IMPG1: variants seen among roughly 807,000 people sequenced by gnomAD.
IMPG1 encodes interphotoreceptor matrix proteoglycan 1.
In IMPG1, 85 loss-of-function variants were observed where a neutral mutation model predicts 92.0. The observed-to-expected ratio is 0.92, with a 90% CI of 0.78 to 1.11. IMPG1 has a LOEUF of 1.11. Among genes scored for constraint, IMPG1 ranks in the 50% least tolerant of loss-of-function variants. The pLI, the probability that IMPG1 is intolerant of heterozygous loss-of-function variation, is 0.00. For missense variants in IMPG1, 1,022 were observed against 956.0 expected, an observed-to-expected ratio of 1.07 and a Z score of -0.91; for synonymous variants, 367 against 334.1, an observed-to-expected ratio of 1.10 and a Z score of -1.08.
At chr6:75,940,066 A>G (rs1367520740) in intron 14 of IMPG1, among the ~76,000 whole-genome samples, 1 of 152,224 alleles carries the variant, frequency 6.6e-6, no homozygotes, top group Non-Finnish European at 1.5e-5. Context: ...ACTTTCTGCA[A>G]CATTGTCTCT....
chr6:75,999,191 A>G (rs1782946663), intron 12 of IMPG1, among the ~76,000 whole-genome samples: 2 of 152,136 alleles, frequency 1.3e-5, no homozygotes, highest in South Asian at 2.1e-4. Context: ...CTGGCTCTAC[A>G]AAAAAGAATG....
chr6:76,025,105 T>C (rs1783500473), intron 5 of IMPG1, 89 bp downstream of exon 5: 2 of 787,856 alleles, frequency 2.5e-6, no homozygotes, highest in Middle Eastern at 2.4e-4. Context: ...ATAAACATTA[T>C]CTTTAATTAG....
intron 12 of IMPG1, among the ~76,000 whole-genome samples, chr6:75,954,610 T>C (rs1484828105): frequency 2.0e-5 from 3 of 152,330 alleles, no homozygotes; most frequent in East Asian, 3.9e-4. Context: ...AGAAGCTCCT[T>C]AGTTTAATTA....
chr6:75,928,874 G>T (rs551283181), intron 15 of IMPG1, among the ~76,000 whole-genome samples: 3 of 152,210 alleles, frequency 2.0e-5, no homozygotes, highest in Non-Finnish European at 4.4e-5. Context: ...TTTATTACAT[G>T]TACGGGATCT....
At chr6:75,949,972 T>G (rs1361126962) in intron 13 of IMPG1, among the ~76,000 whole-genome samples, 2 of 152,220 alleles carry the variant, frequency 1.3e-5, no homozygotes, top group Non-Finnish European at 2.9e-5. Flanking sequence ...TATGTATTTC[T>G]TATTGTATAT....
intron 11 of IMPG1, among the ~76,000 whole-genome samples, 197 bp downstream of exon 11, chr6:76,003,677 A>C (rs1783040072): frequency 6.6e-6 from 1 of 152,248 alleles, no homozygotes; most frequent in Non-Finnish European, 1.5e-5. Flanking sequence ...GATATTTAAA[A>C]TGCAAGTTGT....
At chr6:76,049,153 G>A (rs1783993710) in intron 1 of IMPG1, among the ~76,000 whole-genome samples, 1 of 152,152 alleles carries the variant, frequency 6.6e-6, no homozygotes, top group African/African-American at 2.4e-5. Flanking sequence ...AGAACACATG[G>A]ATACACAGAG....
intron 13 of IMPG1, among the ~76,000 whole-genome samples, chr6:75,948,685 C>T (rs760358564): frequency 1.3e-5 from 2 of 152,208 alleles, no homozygotes; most frequent in African/African-American, 2.4e-5. Context: ...TCTTCACCTA[C>T]TGTGCAGATA....
chr6:76,018,774 G>C lies in IMPG1; in HGVS notation c.751C>G (p.Leu251Val). The C allele has an allele frequency of 6.2e-7, 1 of 1,613,292 alleles. No individual in the cohort carries two copies. Among genetic ancestry groups the C allele is most frequent in the Non-Finnish European group, 8.5e-7 (1 of 1,179,740 alleles). The change falls in exon 7 of 17, where the codon CTC becomes GTC. Residue 251 changes from leucine to valine, a missense_variant. Coordinates refer to ENST00000369950, the MANE Select transcript of IMPG1 (RefSeq NM_001563.4). Reference protein sequence around the residue: ...SLVNQKFKAELADSQSPYYQE... With the variant: ...SLVNQKFKAEVADSQSPYYQE... Reference sequence around the variant, plus strand: ...TAATATGGGGACTGGGAGTCAGCGAGCTCTGCCTTGAACTTCTGGTTTACC... The same window carrying C: ...TAATATGGGGACTGGGAGTCAGCGACCTCTGCCTTGAACTTCTGGTTTACC...
intron 1 of IMPG1, among the ~76,000 whole-genome samples, chr6:76,058,417 G>C (rs541874621): frequency 6.6e-6 from 1 of 152,258 alleles, no homozygotes; most frequent in South Asian, 2.1e-4. Context: ...CACTTATTGA[G>C]CATCTTTGTA....
chr6:75,956,039 A>G (rs1252694958), intron 12 of IMPG1, among the ~76,000 whole-genome samples: 1 of 152,166 alleles, frequency 6.6e-6, no homozygotes, highest in Non-Finnish European at 1.5e-5. Flanking sequence ...AATGTTCATC[A>G]GGGATATTGG....
chr6:76,067,487 G>A (rs1430885465), intron 1 of IMPG1, among the ~76,000 whole-genome samples: 1 of 151,970 alleles, frequency 6.6e-6, no homozygotes, highest in Non-Finnish European at 1.5e-5. Flanking sequence ...GTTGAACCAG[G>A]AAGAAATAGA....
intron 4 of IMPG1, among the ~76,000 whole-genome samples, chr6:76,026,080 G>A (rs1036284193): frequency 6.6e-6 from 1 of 152,150 alleles, no homozygotes; most frequent in Admixed American, 6.5e-5. Context: ...TGGGATTCAA[G>A]CTGCATGCGG....
intron 12 of IMPG1, among the ~76,000 whole-genome samples, chr6:75,976,655 T>C (rs1582080268): frequency 1.3e-5 from 2 of 152,308 alleles, no homozygotes; most frequent in East Asian, 3.9e-4. Context: ...CTCATGCCTG[T>C]AATCCCAGCA....
chr6:75,956,047 T>G (rs1029251944), intron 12 of IMPG1, among the ~76,000 whole-genome samples: 2 of 152,212 alleles, frequency 1.3e-5, no homozygotes, highest in African/African-American at 4.8e-5. Flanking sequence ...TCAGGGATAT[T>G]GGCCTGAAAT....
intron 1 of IMPG1, among the ~76,000 whole-genome samples, chr6:76,055,201 G>T (rs1232433328): frequency 6.6e-6 from 1 of 152,034 alleles, no homozygotes; most frequent in Admixed American, 6.6e-5. Context: ...GAAAAGGACT[G>T]ATAACATATG....
rs1781660316 is a variant in IMPG1 at position 75,931,058 on chromosome 6, T to C, written c.2138A>G (p.Lys713Arg). 1.2e-6 allele frequency: 2 copies of C among 1,614,050 alleles called. No homozygotes were observed. The highest frequency in any genetic ancestry group is 2.2e-5 in the East Asian group (1 of 44,876). The change falls in exon 15 of 17, where the codon AAA (lysine) becomes AGA (arginine). Residue 713 changes from lysine to arginine, a missense_variant. Physicochemically the swap from Lys to Arg is conservative, Grantham distance 26. Around this residue, in one of 3 missense-constraint regions of IMPG1, gnomAD observed 332 missense variants for 346.2 expected, o/e 0.96. Transcript: ENST00000369950. Reference protein sequence around the residue: ...ERTEEAECRCKPGYDSQGSLD... With the variant: ...ERTEEAECRCRPGYDSQGSLD... ...GCTCCCCTGGCTGTCATATCCTGGT[T>C]TGCAGCGACACTCCGCTTCCTCAGT...
intron 8 of IMPG1, among the ~76,000 whole-genome samples, chr6:76,008,461 A>C (rs1172022460): frequency 6.6e-6 from 1 of 152,162 alleles, no homozygotes; most frequent in African/African-American, 2.4e-5. Flanking sequence ...TATATTAACT[A>C]ATGTAACTTT....
At chr6:76,064,899 A>G (rs1784281137) in intron 1 of IMPG1, among the ~76,000 whole-genome samples, 3 of 152,122 alleles carry the variant, frequency 2.0e-5, no homozygotes, top group Non-Finnish European at 4.4e-5. Flanking sequence ...CCTCTGCCAT[A>G]TTGGCACCAT....
Sources: gnomAD v4.1 joint callset for allele counts (sites outside exome capture counted in the v4.1 genomes callset) on GRCh38, gnomAD v4.1.1 for gene constraint, gnomAD v4.1.1 regional missense constraint, MANE v1.5 for transcripts, NCBI Gene and HGNC (gene_info 2026-07-23, HGNC 2026-07-21) for gene names.